The following UBAC2 variants were observed in gnomAD, a reference collection of about 807,000 sequenced individuals.
UBAC2 encodes the protein UBA domain containing 2.
In UBAC2, 26 loss-of-function variants were observed where a neutral mutation model predicts 44.0. The ratio of observed to expected loss-of-function variants is 0.59; its 90% CI spans 0.43 to 0.82. The LOEUF is 0.82. Among genes scored for constraint, UBAC2 ranks in the 40% least tolerant of loss-of-function variants. The pLI, the probability that UBAC2 is intolerant of heterozygous loss-of-function variation, is 0.00. For missense variants in UBAC2, 329 were observed against 419.4 expected, an observed-to-expected ratio of 0.78 and a Z score of 1.88; for synonymous variants, 155 against 154.3, an observed-to-expected ratio of 1.00 and a Z score of -0.04.
chr13:99,262,535 T>C (rs943546502), intron 4 of UBAC2, among the ~76,000 whole-genome samples: 17 of 151,762 alleles, frequency 1.1e-4, no homozygotes, highest in Non-Finnish European at 5.9e-5. Context: ...AAACCCTGTC[T>C]CTACTAAAAA....
intron 1 of UBAC2, chr13:99,234,476 C>T (rs2043212741): frequency 6.1e-6 from 1 of 164,416 alleles, no homozygotes. Context: ...AGGCGTGAGC[C>T]ACTGCGCCCT....
intron 6 of UBAC2, among the ~76,000 whole-genome samples, chr13:99,319,064 G>A (rs1014962185): frequency 1.3e-5 from 2 of 152,146 alleles, no homozygotes; most frequent in Non-Finnish European, 2.9e-5. Context: ...CAACTGGAAA[G>A]TCAGGTGGGT....
At chr13:99,233,731 G>T (rs542908469) in intron 1 of UBAC2, among the ~76,000 whole-genome samples, 6 of 152,148 alleles carry the variant, frequency 3.9e-5, no homozygotes, top group Non-Finnish European at 8.8e-5. Flanking sequence ...AAATAGAAAA[G>T]TAATGACAGA....
At chr13:99,306,557 C>A (rs571886752) in intron 4 of UBAC2, among the ~76,000 whole-genome samples, 1 of 152,254 alleles carries the variant, frequency 6.6e-6, no homozygotes, top group South Asian at 2.1e-4. Flanking sequence ...ATAAAACCCT[C>A]ACTGCCCTTT....
chr13:99,275,514 A>G (rs1435888274), intron 4 of UBAC2, among the ~76,000 whole-genome samples: 3 of 151,282 alleles, frequency 2.0e-5, no homozygotes, highest in African/African-American at 4.8e-5. Flanking sequence ...TTTATAACCT[A>G]TTTTAAATTT....
intron 8 of UBAC2, chr13:99,377,649 C>G (rs2138921574): frequency 6.6e-6 from 1 of 152,336 alleles, no homozygotes; most frequent in South Asian, 2.1e-4. Context: ...TAGAACAACA[C>G]AGTCTTTTTG....
At position 99,307,564 on chromosome 13, in the gene UBAC2, A is replaced by G. The variant is rs1323492723; in HGVS notation, c.390-6533A>G. ...TTTTTTTGTTTTAAATGGGAAGTGA[A>G]ATTTTTTATAGTGATTAAAAAAAAC... On this transcript the variant is annotated intron_variant, in intron 4 of 8. Transcript: ENST00000403766. Among the ~76,000 whole-genome samples the G allele has an allele frequency of 2.0e-5, 3 of 151,774 alleles. 1 individual carries two copies. In the East Asian group the frequency reaches 5.8e-4, roughly 29 times the overall value.
intron 6 of UBAC2, among the ~76,000 whole-genome samples, chr13:99,337,580 A>G (rs2044807830): frequency 6.6e-6 from 1 of 152,098 alleles, no homozygotes; most frequent in South Asian, 2.1e-4. Flanking sequence ...AAGGATTTAT[A>G]TTCTTTCTTT....
At position 99,340,513 on chromosome 13, in the gene UBAC2, G is replaced by T; in HGVS notation, c.755G>T (p.Arg252Leu). The change falls in exon 7 of 9, where the codon CGG becomes CTG. Residue 252 changes from arginine (R) to leucine (L), a missense_variant. Coordinates refer to ENST00000403766, the MANE Select transcript of UBAC2 (RefSeq NM_001144072.2). The part of the protein sequence containing the change: ...QRQQRMELLD[R>L]QLMFSQFAQG... ...CAGCAGAGAATGGAGCTGCTGGACC[G>T]GCAGCTGATGTTCTCTCAGTTTGCA... 1 of 1,614,026 alleles carries T rather than the reference G, an allele frequency of 6.2e-7. No homozygotes were observed. The highest frequency in any genetic ancestry group is 8.5e-7 in the Non-Finnish European group (1 of 1,179,926).
At chr13:99,211,138 A>G (rs1325510990) in intron 1 of UBAC2, among the ~76,000 whole-genome samples, 5 of 152,256 alleles carry the variant, frequency 3.3e-5, no homozygotes, top group African/African-American at 4.8e-5. Flanking sequence ...TTAAGGGAGA[A>G]AAGATTGCTT....
chr13:99,267,879 G>A (rs946562621), intron 4 of UBAC2, among the ~76,000 whole-genome samples: 1 of 152,206 alleles, frequency 6.6e-6, no homozygotes, highest in Non-Finnish European at 1.5e-5. Flanking sequence ...GGCTCAAAGA[G>A]CGCAGATGTT....
At chr13:99,285,688 G>A (rs1196931942) in intron 4 of UBAC2, among the ~76,000 whole-genome samples, 2 of 152,242 alleles carry the variant, frequency 1.3e-5, no homozygotes, top group East Asian at 1.9e-4. Flanking sequence ...CACCATGCCC[G>A]GCCAGCTGGC....
At chr13:99,218,597 T>A (rs1157697958) in intron 1 of UBAC2, among the ~76,000 whole-genome samples, 2 of 152,080 alleles carry the variant, frequency 1.3e-5, no homozygotes, top group African/African-American at 4.8e-5. Flanking sequence ...TTGGCTGCTG[T>A]CCTGAGCCAG....
chr13:99,310,745 C>T (rs910335152), intron 4 of UBAC2, among the ~76,000 whole-genome samples: 6 of 152,088 alleles, frequency 3.9e-5, no homozygotes, highest in Admixed American at 1.3e-4. Flanking sequence ...AAAATTTCTA[C>T]CAGTATTTTT....
At chr13:99,333,099 G>C (rs572796977) in intron 6 of UBAC2, among the ~76,000 whole-genome samples, 13 of 152,120 alleles carry the variant, frequency 8.5e-5, no homozygotes, top group East Asian at 3.9e-4. Context: ...CCGTCTCTGG[G>C]GGGGGAAGAA....
intron 4 of UBAC2, among the ~76,000 whole-genome samples, chr13:99,312,017 C>T (rs1383535049): frequency 6.6e-6 from 1 of 152,264 alleles, no homozygotes; most frequent in Non-Finnish European, 1.5e-5. Flanking sequence ...AGTGCCTGCA[C>T]TTAGGCCTTA....
chr13:99,283,868 G>C (rs1286538303), intron 4 of UBAC2, among the ~76,000 whole-genome samples: 1 of 151,862 alleles, frequency 6.6e-6, no homozygotes, highest in Non-Finnish European at 1.5e-5. Flanking sequence ...CTGAGTAGCT[G>C]AAATTACAGG....
intron 4 of UBAC2, among the ~76,000 whole-genome samples, chr13:99,257,533 T>C (rs940331868): frequency 7.2e-5 from 11 of 152,236 alleles, no homozygotes; most frequent in African/African-American, 2.7e-4. Context: ...AATACTTATA[T>C]TCATTTGCTG....
chr13:99,238,274 G>A (rs1296536471), intron 1 of UBAC2, among the ~76,000 whole-genome samples, 153 bp from the exon 2 acceptor site: 3 of 152,228 alleles, frequency 2.0e-5, no homozygotes, highest in African/African-American at 7.2e-5. Context: ...CCAGGTCGAT[G>A]TTTTGAAAGT....
Sources: gnomAD v4.1 joint callset for allele counts (sites outside exome capture counted in the v4.1 genomes callset) on GRCh38, gnomAD v4.1.1 for gene constraint, MANE v1.5 for transcripts, NCBI Gene and HGNC (gene_info 2026-07-23, HGNC 2026-07-21) for gene names.